Variants in SERPINE3 observed in about 807,000 individuals in gnomAD.
SERPINE3 encodes serpin family E member 3, also known as serpin E3.
In SERPINE3, 43 loss-of-function variants were observed where a neutral mutation model predicts 41.7. The ratio of observed to expected loss-of-function variants is 1.03; its 90% CI spans 0.81 to 1.33. The LOEUF (loss-of-function observed/expected upper bound fraction) is 1.33, where lower values mean the gene tolerates loss of function less well. Ranked by LOEUF, SERPINE3 falls within the 40% of genes most tolerant of loss-of-function variation. The probability of loss-of-function intolerance (pLI) is 0.00; values close to 1 mark genes in which losing one functional copy is unlikely to be tolerated. For missense variants in SERPINE3, 440 were observed against 491.7 expected (o/e 0.89, Z 0.99); for synonymous variants, 200 against 192.2 (o/e 1.04, Z -0.34).
chr13:51,362,043 C>A, intron 9 of SERPINE3, 150 bp downstream of exon 9: 1 of 1,586,634 alleles, frequency 6.3e-7, no homozygotes, highest in African/African-American at 1.4e-5. Context: ...TATCTTCTAT[C>A]CTAAGAAAGG....
intron 3 of SERPINE3, 60 bp downstream of exon 3, chr13:51,341,407 C>T (rs1955290041): frequency 4.1e-6 from 6 of 1,455,362 alleles, no homozygotes; most frequent in Non-Finnish European, 5.6e-6. Flanking sequence ...ACACTCTCTC[C>T]AGCTCACCCT....
intron 7 of SERPINE3, among the ~76,000 whole-genome samples, chr13:51,357,049 AT>A (rs1381276621): frequency 6.6e-6 from 1 of 152,184 alleles, no homozygotes; most frequent in African/African-American, 2.4e-5. Flanking sequence ...ACTCTCATTC[AT>A]TCATAAATCA....
At chr13:51,356,345 G>A (rs913752960) in intron 7 of SERPINE3, among the ~76,000 whole-genome samples, 1 of 152,014 alleles carries the variant, frequency 6.6e-6, no homozygotes, top group African/African-American at 2.4e-5. Context: ...GAATACTGAA[G>A]TGAAAAGATT....
At chr13:51,360,370 T>C (rs1253508638) in intron 7 of SERPINE3, among the ~76,000 whole-genome samples, 1 of 152,028 alleles carries the variant, frequency 6.6e-6, no homozygotes, top group Non-Finnish European at 1.5e-5. Context: ...TATTCTCAAC[T>C]CTGCTTTTCA....
rs899121072 is a variant in SERPINE3 at position 51,361,725 on chromosome 13, A to T, written c.1088-85A>T. On this transcript the variant is annotated intron_variant, in intron 8 of 9. Transcript: ENST00000681248. Reference sequence around the variant, plus strand: ...TGCCATTAGGATGCTTTGATTTCTTAAAAAATTAACTTACTTCATAACCAA... The same window carrying T: ...TGCCATTAGGATGCTTTGATTTCTTTAAAAATTAACTTACTTCATAACCAA... 2.4e-6 allele frequency: 3 copies of T among 1,243,232 alleles called. No individual in the cohort carries two copies. In the Admixed American group the frequency reaches 8.6e-5, roughly 36 times the overall value. The allele number at this position is 1,243,232 out of a possible 1,614,324, so 77.0% of individuals were successfully genotyped here. A position where few individuals can be genotyped will look rare whatever the true frequency, so the allele number is the denominator to read the frequency against.
intron 4 of SERPINE3, 87 bp downstream of exon 4, chr13:51,344,572 G>A: frequency 9.6e-7 from 1 of 1,044,994 alleles, no homozygotes; most frequent in Non-Finnish European, 1.4e-6. Context: ...AGGCCATGGT[G>A]CTCAGGCCAC....
At chr13:51,342,793 T>G (rs1366685587) in intron 3 of SERPINE3, among the ~76,000 whole-genome samples, 1 of 152,184 alleles carries the variant, frequency 6.6e-6, no homozygotes, top group Non-Finnish European at 1.5e-5. Context: ...GAATGTGATC[T>G]CAGAAATACA....
At chr13:51,342,178 CAAAAAAAAAAAAA>C (rs869298134) in intron 3 of SERPINE3, among the ~76,000 whole-genome samples, 1 of 63,582 alleles carries the variant, frequency 1.6e-5, no homozygotes. Flanking sequence ...AAAGACAGAA[CAAAAAAAAAAAAA>C]AAAAAAAAAG....
Position 51,347,132 on chromosome 13 carries a change from AAG to A in SERPINE3, c.602_603del (p.Arg201IlefsTer64). Reference protein sequence around the residue: ...STMSFQGTWRKRFSSTDTQIL... With the variant: ...STMSFQGTWRXRFSSTDTQIL... Reference sequence around the variant, plus strand: ...CATGTCCTTCCAAGGCACTTGGCGAAAGAGATTCTCCTCCACAGACACACAGA... The same window carrying A: ...CATGTCCTTCCAAGGCACTTGGCGAAAGATTCTCCTCCACAGACACACAGA... On this transcript the variant is annotated frameshift_variant, in exon 5 of 10. Transcript: ENST00000681248. LOFTEE classifies it high-confidence loss of function. The A allele has an allele frequency of 6.2e-7, 1 of 1,613,748 alleles. No individual in the cohort carries two copies. Among genetic ancestry groups the A allele is most frequent in the Non-Finnish European group, 8.5e-7 (1 of 1,179,804 alleles).
At chr13:51,355,022 T>C (rs1955458415) in intron 6 of SERPINE3, 21 bp from the exon 7 acceptor site, 5 of 1,216,268 alleles carry the variant, frequency 4.1e-6, no homozygotes, top group Non-Finnish European at 5.9e-6. Flanking sequence ...TGAAAGTTGA[T>C]GGTTTGTTTT....
intron 7 of SERPINE3, among the ~76,000 whole-genome samples, chr13:51,356,408 A>G (rs1040563314): frequency 6.6e-6 from 1 of 152,292 alleles, no homozygotes; most frequent in South Asian, 2.1e-4. Context: ...TCTATGTTTG[A>G]TAATGTGCAA....
intron 6 of SERPINE3, 122 bp downstream of exon 6, chr13:51,348,533 G>A: frequency 2.7e-6 from 2 of 733,080 alleles, no homozygotes; most frequent in Non-Finnish European, 4.5e-6. Flanking sequence ...TGTTTAATAT[G>A]TATCCCCAGA....
intron 6 of SERPINE3, among the ~76,000 whole-genome samples, chr13:51,352,012 G>T (rs1452721171): frequency 1.3e-5 from 2 of 151,976 alleles, no homozygotes; most frequent in Non-Finnish European, 2.9e-5. Context: ...TTGTATATTT[G>T]CCAGTACCAC....
intron 8 of SERPINE3, 37 bp downstream of exon 8, chr13:51,361,401 A>G (rs530084414): frequency 4.2e-5 from 53 of 1,275,510 alleles, no homozygotes; most frequent in Admixed American, 3.8e-4. Flanking sequence ...CTGCTTACCC[A>G]TATCTACCTT....
At chr13:51,342,212 C>T (rs1207114738) in intron 3 of SERPINE3, among the ~76,000 whole-genome samples, 2 of 148,790 alleles carry the variant, frequency 1.3e-5, no homozygotes, top group African/African-American at 5.0e-5. Flanking sequence ...AGGCTATGAG[C>T]TCTGCGGCCT....
Position 51,342,817 on chromosome 13 carries a change from G to A in SERPINE3, c.257-1435G>A, listed in dbSNP as rs1336404310. Among the ~76,000 whole-genome samples, 8 of 152,110 alleles carry A rather than the reference G, an allele frequency of 5.3e-5. No homozygotes were observed. In the South Asian group the frequency reaches 1.2e-3, roughly 24 times the overall value. ...CTCAGAAATACATGTGACCTTCCTC[G>A]ATAGAGTAAAATCTGATTATAAGTA... On this transcript the variant is annotated intron_variant, in intron 3 of 9. Coordinates refer to ENST00000681248, the MANE Select transcript of SERPINE3 (RefSeq NM_001386375.1).
rs758105825 is a variant in SERPINE3, at chr13:51,347,218, G to T, written c.684G>T (p.Thr228=). 6.2e-7 allele frequency: 1 copy of T among 1,613,608 alleles called. No homozygotes were observed. Among genetic ancestry groups the T allele is most frequent in the African/African-American group, 1.3e-5 (1 of 74,926 alleles). ...LVLQVPMMHQ[T]TEVNYGQFQD... is the part of the protein sequence containing the mutation. Reference sequence around the variant, plus strand: ...TTCAGGTCCCCATGATGCACCAAACGACCGAGGTCAACTACGGTGAGCTCT... The same window carrying T: ...TTCAGGTCCCCATGATGCACCAAACTACCGAGGTCAACTACGGTGAGCTCT... The change falls in exon 5 of 10, where the codon ACG becomes ACT. Residue 228 remains threonine, a synonymous_variant. Coordinates refer to ENST00000681248, the MANE Select transcript of SERPINE3 (RefSeq NM_001386375.1).
At chr13:51,358,817 T>C (rs934718443) in intron 7 of SERPINE3, among the ~76,000 whole-genome samples, 2 of 152,062 alleles carry the variant, frequency 1.3e-5, no homozygotes, top group Non-Finnish European at 2.9e-5. Context: ...CTTTGCTTTG[T>C]ATATAGAATG....
intron 4 of SERPINE3, 93 bp from the exon 5 acceptor site, chr13:51,346,932 T>A: frequency 1.1e-6 from 1 of 913,408 alleles, no homozygotes; most frequent in Non-Finnish European, 1.7e-6. Flanking sequence ...ATTTTCGCAT[T>A]TTAACTCTGC....
Sources: allele counts gnomAD v4.1 joint callset (sites outside exome capture counted in the v4.1 genomes callset), GRCh38; gene constraint gnomAD v4.1.1; transcripts MANE v1.5; gene names NCBI Gene and HGNC (gene_info 2026-07-23, HGNC 2026-07-21).